RNF213: variants seen among roughly 807,000 people sequenced by gnomAD.
RNF213 encodes the protein ring finger protein 213.
Under a neutral mutation model 514.4 loss-of-function variants are expected in RNF213, and 341 were observed. The ratio of observed to expected loss-of-function variants is 0.66; its 90% CI spans 0.61 to 0.73. The LOEUF is 0.73. Ranked by LOEUF, RNF213 falls within the 30% of genes least tolerant of loss-of-function variation. The pLI is 0.00. For synonymous variants in RNF213, 2,655 were observed against 2,658.2 expected, an observed-to-expected ratio of 1.00 and a Z score of 0.04; for missense variants, 5,767 against 6,615.6, an observed-to-expected ratio of 0.87 and a Z score of 4.45.
chr17:80,375,887 A>G lies in RNF213; in HGVS notation c.13185+17A>G, dbSNP rs2079736358. On this transcript the variant is annotated intron_variant, in intron 51 of 67. Transcript: ENST00000582970. The stretch of plus-strand genomic sequence containing the variant: ...ACGCCAGAGGTGAGTAACCGCCTGC[A>G]GGGCTGTGTTCAAAGTCTCAGTATT... The G allele has an allele frequency of 1.3e-6, 2 of 1,509,958 alleles. No individual in the cohort carries two copies. The highest frequency in any genetic ancestry group is 1.8e-6 in the Non-Finnish European group (2 of 1,085,052). 93.5% of individuals were successfully genotyped at this position (1,509,958 alleles called of 1,614,324 possible).
chr17:80,339,825 T>G lies in RNF213; in HGVS notation c.5458T>G (p.Cys1820Gly). 1 of 1,534,950 alleles carries G rather than the reference T, an allele frequency of 6.5e-7. No homozygotes were observed. Among genetic ancestry groups the G allele is most frequent in the Non-Finnish European group, 8.7e-7 (1 of 1,145,162 alleles). ...GATGGGTGGGTCTCCCGTGGAGCGT[T>G]GTCTCCCGAGAGGTCTGCAGGTCGG... ...AGMGGSPVER[C>G]LPRGLQVGQP... Residue 1820 changes from cysteine (C) to glycine (G), a missense_variant, in exon 26 of 68, where the codon TGT (cysteine) becomes GGT (glycine). Transcript: ENST00000582970.
chr17:80,393,254 T>C, intron 67 of RNF213, 91 bp from the exon 68 acceptor site: 1 of 1,072,584 alleles, frequency 9.3e-7, no homozygotes, highest in Non-Finnish European at 1.3e-6. Context: ...GTGCTGGGCT[T>C]ACACACGTGA....
rs2080653955 is a variant in RNF213 at position 80,396,093 on chromosome 17, C to G, written c.*2595C>G. 6.6e-6 allele frequency: 1 copy of G among 152,138 alleles called. No homozygotes were observed. Among genetic ancestry groups the G allele is most frequent in the Non-Finnish European group, 1.5e-5 (1 of 68,042 alleles). The allele number at this position is 152,138 out of a possible 1,614,324, so 9.4% of individuals were successfully genotyped here. On this transcript the variant is annotated 3_prime_UTR_variant, in exon 68 of 68. Coordinates refer to ENST00000582970, the MANE Select transcript of RNF213 (RefSeq NM_001256071.3). ...GAAAATCTTCACAACTGATCATTAT[C>G]TCCTTCTCTTTGAGACCTGACTGAA...
chr17:80,372,772 G>A (rs368634922), intron 48 of RNF213, 38 bp downstream of exon 48: 15 of 1,592,002 alleles, frequency 9.4e-6, no homozygotes, highest in Non-Finnish European at 1.3e-5. Flanking sequence ...TGGGTTTAAA[G>A]ACTCCGTTAT....
In RNF213 at chr17:80,319,237, C is replaced by G; in HGVS notation, c.2949C>G (p.Asp983Glu). ...CTGCCTACTGCAATAGTTGCTGGGACACCAAAGGCTTAGAGGACAGTGTGG... is the reference window on the plus strand; with the variant it reads ...CTGCCTACTGCAATAGTTGCTGGGAGACCAAAGGCTTAGAGGACAGTGTGG... Reference protein sequence around the residue: ...QITAYCNSCWDTKGLEDSVAK... With the variant: ...QITAYCNSCWETKGLEDSVAK... The change falls in exon 17 of 68, where the codon GAC becomes GAG. Residue 983 changes from aspartate to glutamate, a missense_variant. Around this residue, in one of 13 missense-constraint regions of RNF213, gnomAD observed 516 missense variants for 566.5 expected, o/e 0.91. Coordinates refer to ENST00000582970, the MANE Select transcript of RNF213 (RefSeq NM_001256071.3). 1 of 1,614,198 alleles carries G rather than the reference C, an allele frequency of 6.2e-7. No individual in the cohort carries two copies. The highest frequency in any genetic ancestry group is 8.5e-7 in the Non-Finnish European group (1 of 1,180,050).
chr17:80,343,361 A>C lies in RNF213; in HGVS notation c.6183+36A>C, dbSNP rs2078216961. 3.2e-6 allele frequency: 5 copies of C among 1,570,196 alleles called. No individual in the cohort carries two copies. In the South Asian group the frequency reaches 4.5e-5, roughly 14 times the overall value. The stretch of plus-strand genomic sequence containing the variant: ...TCCAGCGTCAGCCGATGGCCACATC[A>C]GTAAAGACGTGGTCCCCATGTCTCT... On this transcript the variant is annotated intron_variant, in intron 27 of 67. Coordinates refer to ENST00000582970, the MANE Select transcript of RNF213 (RefSeq NM_001256071.3). This position sits in a 1 kb window ranked among gnomAD's most constrained non-coding sequence, Gnocchi z 4.3.
chr17:80,281,590 G>GCCCACTCACACGACTCACACACCCC (rs1598911582), intron 3 of RNF213, among the ~76,000 whole-genome samples: 12 of 32,318 alleles, frequency 3.7e-4, no homozygotes, highest in South Asian at 1.2e-3. Context: ...CTCACACACT[G>GCCCACTCACACGACTCACACACCCC]CCAACACACA....
intron 21 of RNF213, chr17:80,333,707 C>CAA: frequency 5.0e-5 from 8 of 158,836 alleles, no homozygotes; most frequent in South Asian, 4.5e-4. Context: ...AAAAAAAAAC[C>CAA]AAAAAAAAAA....
In RNF213 at chr17:80,353,155, A is replaced by G; in HGVS notation, c.10423+96A>G. 6.5e-7 allele frequency: 1 copy of G among 1,545,390 alleles called. No homozygotes were observed. The highest frequency in any genetic ancestry group is 8.8e-7 in the Non-Finnish European group (1 of 1,131,818). On this transcript the variant is annotated intron_variant, in intron 33 of 67. Transcript: ENST00000582970. This position sits in a 1 kb window ranked among gnomAD's most constrained non-coding sequence, Gnocchi z 5.0. ...TGCACATGGCACTAGGAGCAGGGCC[A>G]CCGTGTTTCGTCCCTCGGCAGGAGC...
At chr17:80,271,065 C>G (rs1266496269) in intron 2 of RNF213, among the ~76,000 whole-genome samples, 1 of 151,946 alleles carries the variant, frequency 6.6e-6, no homozygotes, top group Non-Finnish European at 1.5e-5. Flanking sequence ...AATATCGGCC[C>G]TGATTGGATT....
intron 3 of RNF213, among the ~76,000 whole-genome samples, chr17:80,279,503 C>T (rs925564730): frequency 4.6e-5 from 7 of 151,616 alleles, no homozygotes; most frequent in Non-Finnish European, 1.0e-4. Context: ...CTCGCTCTGT[C>T]GCCCAAGCTG....
chr17:80,299,037 C>G (rs2045074414), intron 11 of RNF213, among the ~76,000 whole-genome samples: 1 of 152,042 alleles, frequency 6.6e-6, no homozygotes, highest in Non-Finnish European at 1.5e-5. Context: ...TCAGAGGCAG[C>G]CGTTGTTAGC....
At chr17:80,289,878 G>A in intron 6 of RNF213, 41 bp downstream of exon 6, 1 of 1,567,224 alleles carries the variant, frequency 6.4e-7, no homozygotes, top group Non-Finnish European at 8.7e-7. Flanking sequence ...GACCCTGCCT[G>A]AGAGCCCGGC....
rs150637306 is a variant in RNF213, at chr17:80,299,890, A to G, written c.2210+1372A>G. ...CATCTATGTTCCTGCAAAGGACATG[A>G]TTTCATTCTTTTTTATGGCTGCATA... On this transcript the variant is annotated intron_variant, in intron 11 of 67. Coordinates refer to ENST00000582970, the MANE Select transcript of RNF213 (RefSeq NM_001256071.3). 5.5e-3 allele frequency among the ~76,000 whole-genome samples: 830 copies of G among 152,202 alleles called. 9 individuals are homozygous for G. The highest frequency in any genetic ancestry group is 0.019 in the African/African-American group (801 of 41,514).
chr17:80,347,417 A>G lies in RNF213; in HGVS notation c.9082A>G (p.Lys3028Glu). Residue 3028 changes from lysine (K) to glutamate (E), a missense_variant, in exon 29 of 68, where the codon AAG becomes GAG. Physicochemically the swap from Lys to Glu is moderately conservative, Grantham distance 56. Transcript: ENST00000582970. This position sits in a 1 kb window ranked among gnomAD's most constrained non-coding sequence, Gnocchi z 7.2. Reference protein sequence around the residue: ...IKQNIFGPSQKVPGGEQEDAE... With the variant: ...IKQNIFGPSQEVPGGEQEDAE... ...ACAGAACATCTTTGGGCCTTCTCAG[A>G]AGGTGCCGGGTGGAGAGCAGGAAGA... The G allele has an allele frequency of 6.2e-7, 1 of 1,613,920 alleles. No individual in the cohort carries two copies. Among genetic ancestry groups the G allele is most frequent in the East Asian group, 2.2e-5 (1 of 44,880 alleles).
chr17:80,281,334 G>GCC (rs544282105), intron 3 of RNF213, among the ~76,000 whole-genome samples: 107 of 6,430 alleles, frequency 0.017, 1 homozygote, highest in South Asian at 0.035. Flanking sequence ...ACTCACACAC[G>GCC]CCCCCACACA....
At chr17:80,376,993 C>A (rs926244043) in intron 53 of RNF213, 30 bp downstream of exon 53, 26 of 1,510,206 alleles carry the variant, frequency 1.7e-5, no homozygotes, top group Non-Finnish European at 2.4e-5. Context: ...TGACCCCACA[C>A]TCCTTTGAGC....
At position 80,369,520 on chromosome 17, in the gene RNF213, T is replaced by C. The variant is rs1052742350; in HGVS notation, c.12174T>C (p.His4058=). The C allele has an allele frequency of 6.2e-7, 1 of 1,613,754 alleles. No individual in the cohort carries two copies. ...TTCTAAGGGAAGCCATTGAAAAGCA[T>C]GCCCGCTTCCGGCAGATGTGCAACA... ...SQAHREAIEK[H]ARFRQMCNSF... is the part of the protein sequence containing the mutation. Residue 4058 remains histidine (H), a synonymous_variant, in exon 45 of 68, where the codon CAT becomes CAC. Transcript: ENST00000582970.
intron 20 of RNF213, 26 bp from the exon 21 acceptor site, chr17:80,331,980 C>A (rs763331601): frequency 2.6e-6 from 4 of 1,523,608 alleles, no homozygotes; most frequent in Non-Finnish European, 3.5e-6. Context: ...GCTTTGACTT[C>A]TGACACTTTC....
Sources: allele counts gnomAD v4.1 joint callset (sites outside exome capture counted in the v4.1 genomes callset), GRCh38; gene constraint gnomAD v4.1.1; regional missense constraint gnomAD v4.1.1; non-coding constraint Gnocchi (gnomAD v3.1); transcripts MANE v1.5; gene names NCBI Gene and HGNC (gene_info 2026-07-23, HGNC 2026-07-21).